PRKCA: variants seen among roughly 807,000 people sequenced by gnomAD.
PRKCA encodes protein kinase C alpha.
PRKCA carries 27 observed loss-of-function variants against 87.0 expected under a neutral mutation model. The ratio of observed to expected loss-of-function variants is 0.31; its 90% CI spans 0.23 to 0.43. PRKCA has a LOEUF of 0.43. PRKCA is among the 20% of genes least tolerant of loss of function. The pLI is 1.00. For missense variants in PRKCA, 518 were observed against 852.3 expected, an observed-to-expected ratio of 0.61 and a Z score of 4.88; for synonymous variants, 329 against 311.1, an observed-to-expected ratio of 1.06 and a Z score of -0.61.
rs142202346 is a variant in PRKCA at position 66,596,441 on chromosome 17, C to T, written c.289-44914C>T. Among the ~76,000 whole-genome samples, 890 of 152,130 alleles carry T rather than the reference C, an allele frequency of 5.9e-3. 9 individuals carry two copies. Among genetic ancestry groups the T allele is most frequent in the African/African-American group, 0.018 (742 of 41,488 alleles). On this transcript the variant is annotated intron_variant, in intron 3 of 16. Transcript: ENST00000413366. ...CTCCACTTCATCCCCATCCCAGTGA[C>T]ATTACACCCTCCACATCCCCATCCT...
At chr17:66,700,393 C>T (rs983300341) in intron 8 of PRKCA, among the ~76,000 whole-genome samples, 2 of 152,124 alleles carry the variant, frequency 1.3e-5, no homozygotes, top group Admixed American at 1.3e-4. Context: ...AGATCATGAA[C>T]AAAATGAGGA....
intron 2 of PRKCA, among the ~76,000 whole-genome samples, chr17:66,337,167 C>G (rs1202151974): frequency 6.6e-6 from 1 of 151,926 alleles, no homozygotes; most frequent in Non-Finnish European, 1.5e-5. Flanking sequence ...AACTCATAGT[C>G]TTGGGAGGAA....
At chr17:66,612,754 G>A (rs1970404857) in intron 3 of PRKCA, among the ~76,000 whole-genome samples, 1 of 150,942 alleles carries the variant, frequency 6.6e-6, no homozygotes, top group African/African-American at 2.4e-5. Flanking sequence ...CTTTAGCTAA[G>A]TTGTATGGAA....
At chr17:66,432,739 A>G in intron 2 of PRKCA, among the ~76,000 whole-genome samples, 1 of 152,156 alleles carries the variant, frequency 6.6e-6, no homozygotes. Flanking sequence ...TTGTTGATTG[A>G]ATAAGTGATA....
chr17:66,540,166 C>T (rs1967931929), intron 3 of PRKCA, among the ~76,000 whole-genome samples: 2 of 152,184 alleles, frequency 1.3e-5, no homozygotes, highest in Admixed American at 6.5e-5. Context: ...TTGAATGCTG[C>T]TATTTCAGAG....
intron 5 of PRKCA, among the ~76,000 whole-genome samples, chr17:66,646,440 A>G (rs375707143): frequency 1.8e-5 from 2 of 113,882 alleles, no homozygotes; most frequent in East Asian, 5.3e-4. Context: ...GCTCTCAGGC[A>G]TCAGCCTATT....
At chr17:66,635,718 T>C (rs1219782550) in intron 3 of PRKCA, among the ~76,000 whole-genome samples, 1 of 152,210 alleles carries the variant, frequency 6.6e-6, no homozygotes, top group Non-Finnish European at 1.5e-5. Flanking sequence ...GTAAACAGTA[T>C]ATTTAATACA....
intron 2 of PRKCA, among the ~76,000 whole-genome samples, chr17:66,360,855 C>T (rs998677993): frequency 3.9e-5 from 6 of 152,086 alleles, no homozygotes; most frequent in Admixed American, 3.9e-4. Flanking sequence ...GAGGAAGTCT[C>T]GAAGTGAAGA....
intron 2 of PRKCA, among the ~76,000 whole-genome samples, chr17:66,361,875 C>T (rs993429991): frequency 1.3e-5 from 2 of 152,164 alleles, no homozygotes; most frequent in Admixed American, 6.5e-5. Context: ...GGCTCAGTTT[C>T]CACAAAGCCC....
At position 66,798,428 on chromosome 17, in the gene PRKCA, G is replaced by A. The variant is rs1009591513; in HGVS notation, c.1855-5445G>A. On this transcript the variant is annotated intron_variant, in intron 16 of 16. Coordinates refer to ENST00000413366, the MANE Select transcript of PRKCA (RefSeq NM_002737.3). ...GGTGATGGTGATGGTGGTGGTGGTG[G>A]TGGTGACGGTGGTGGTGGTGGTGAC... Among the ~76,000 whole-genome samples the A allele has an allele frequency of 4.4e-3, 539 of 121,214 alleles. 30 individuals are homozygous for A. Among genetic ancestry groups the A allele is most frequent in the East Asian group, 0.013 (48 of 3,656 alleles). The allele number at this position is 121,214 out of a possible 152,430, so 79.5% of individuals were successfully genotyped here.
At chr17:66,447,056 C>T (rs551196871) in intron 2 of PRKCA, among the ~76,000 whole-genome samples, 4 of 152,106 alleles carry the variant, frequency 2.6e-5, no homozygotes, top group Admixed American at 1.3e-4. Context: ...AGCATAGTTC[C>T]GGAAACGCTT....
intron 3 of PRKCA, among the ~76,000 whole-genome samples, chr17:66,589,891 G>C (rs1227078088): frequency 1.3e-5 from 2 of 152,150 alleles, no homozygotes; most frequent in Non-Finnish European, 2.9e-5. Flanking sequence ...CAGATCATTA[G>C]GCATTAGATT....
intron 2 of PRKCA, among the ~76,000 whole-genome samples, chr17:66,356,153 C>T (rs1908034094): frequency 6.6e-6 from 1 of 152,118 alleles, no homozygotes; most frequent in South Asian, 2.1e-4. Context: ...CCCACCTCAG[C>T]CTCCCAAAGT....
At chr17:66,320,258 G>A (rs2143207041) in intron 2 of PRKCA, among the ~76,000 whole-genome samples, 1 of 152,070 alleles carries the variant, frequency 6.6e-6, no homozygotes. Context: ...GGCCACTTAA[G>A]TCTCCAGCCC....
chr17:66,596,272 C>A (rs2143570595), intron 3 of PRKCA, among the ~76,000 whole-genome samples: 1 of 152,186 alleles, frequency 6.6e-6, no homozygotes, highest in South Asian at 2.1e-4. Context: ...TTCCTTGGAG[C>A]CCAATAAAAG....
At chr17:66,306,427 C>T (rs1904819917) in intron 2 of PRKCA, 1 of 306,332 alleles carries the variant, frequency 3.3e-6, no homozygotes, top group African/African-American at 2.2e-5. Flanking sequence ...AAAATGGAAT[C>T]ACTTTGTATT....
At chr17:66,762,365 T>G (rs1431402073) in intron 13 of PRKCA, among the ~76,000 whole-genome samples, 2 of 152,164 alleles carry the variant, frequency 1.3e-5, no homozygotes, top group Admixed American at 1.3e-4. Flanking sequence ...TGCCATTTAA[T>G]CCCCACCACC....
At chr17:66,391,241 C>T (rs543830170) in intron 2 of PRKCA, among the ~76,000 whole-genome samples, 4 of 152,168 alleles carry the variant, frequency 2.6e-5, no homozygotes, top group East Asian at 3.9e-4. Flanking sequence ...CAGATTCAGC[C>T]GGGTGCTTCA....
At chr17:66,775,862 G>A in intron 14 of PRKCA, 1 of 696,388 alleles carries the variant, frequency 1.4e-6, no homozygotes, top group Non-Finnish European at 1.8e-6. Flanking sequence ...AGGAGAGACA[G>A]CAGACAGGTT....
Sources: gnomAD v4.1 joint callset for allele counts (sites outside exome capture counted in the v4.1 genomes callset) on GRCh38, gnomAD v4.1.1 for gene constraint, MANE v1.5 for transcripts, NCBI Gene and HGNC (gene_info 2026-07-23, HGNC 2026-07-21) for gene names.